ADGRG6: variants seen among roughly 807,000 people sequenced by gnomAD.
ADGRG6 encodes the protein adhesion G protein-coupled receptor G6, also known as G-protein coupled receptor 126.
A neutral mutation model predicts 142.4 loss-of-function variants in ADGRG6; 84 were observed. The observed-to-expected ratio is 0.59, with a 90% CI of 0.49 to 0.71. The LOEUF (loss-of-function observed/expected upper bound fraction) is 0.71, where lower values mean the gene tolerates loss of function less well. Ranked by LOEUF, ADGRG6 falls within the 30% of genes least tolerant of loss-of-function variation. ADGRG6 has a pLI of 0.00. For synonymous variants in ADGRG6, 521 were observed against 520.5 expected, an observed-to-expected ratio of 1.00 and a Z score of -0.01; for missense variants, 1,367 against 1,466.6, an observed-to-expected ratio of 0.93 and a Z score of 1.11.
intron 24 of ADGRG6, chr6:142,440,980 C>T: frequency 7.4e-7 from 1 of 1,354,216 alleles, no homozygotes; most frequent in Non-Finnish European, 1.0e-6. Flanking sequence ...TTTTTGAATG[C>T]ATGAATTTTT....
chr6:142,431,878 G>A (rs753280551), intron 22 of ADGRG6, among the ~76,000 whole-genome samples: 3 of 151,978 alleles, frequency 2.0e-5, no homozygotes, highest in African/African-American at 2.4e-5. Context: ...AGCCAAGATC[G>A]CACCATTGCA....
Position 142,416,029 on chromosome 6 carries a change from G to C in ADGRG6, c.2903G>C (p.Arg968Pro). 6.2e-7 allele frequency: 1 copy of C among 1,612,630 alleles called. No homozygotes were observed. The highest frequency in any genetic ancestry group is 8.5e-7 in the Non-Finnish European group (1 of 1,179,058). ...GTTAAAGTATTTAACACTTACATTC[G>C]CCGATACATTCTAAAATTCTGCATC... ...ALVKVFNTYI[R>P]RYILKFCIIG... The change falls in exon 20 of 25, where the codon CGC (arginine) becomes CCC (proline). Residue 968 changes from arginine to proline, a missense_variant. By Grantham distance (103) the Arg-to-Pro change is moderately radical (BLOSUM62 -2). Transcript: ENST00000367609.
chr6:142,401,753 A>G (rs926133910), intron 11 of ADGRG6, among the ~76,000 whole-genome samples: 20 of 152,074 alleles, frequency 1.3e-4, no homozygotes, highest in Non-Finnish European at 1.2e-4. Flanking sequence ...AGAATTTGGG[A>G]ACATTGTATA....
At chr6:142,401,438 T>C (rs1439353943) in intron 11 of ADGRG6, among the ~76,000 whole-genome samples, 3 of 152,210 alleles carry the variant, frequency 2.0e-5, no homozygotes, top group East Asian at 1.9e-4. Flanking sequence ...ACTTGGCCAA[T>C]GTATCCTAGG....
chr6:142,370,030 T>C (rs1203033940), intron 3 of ADGRG6, 140 bp from the exon 4 acceptor site: 3 of 581,580 alleles, frequency 5.2e-6, no homozygotes, highest in Admixed American at 3.1e-5. Context: ...AGAGGATAGA[T>C]GAGTAAGAGG....
intron 2 of ADGRG6, among the ~76,000 whole-genome samples, chr6:142,342,501 G>C (rs1779704542): frequency 6.6e-6 from 1 of 152,006 alleles, no homozygotes; most frequent in South Asian, 2.1e-4. Flanking sequence ...TAAAGATTAT[G>C]AAAACCCTAA....
chr6:142,437,654 G>A (rs999545908), intron 23 of ADGRG6, 119 bp downstream of exon 23: 27 of 647,050 alleles, frequency 4.2e-5, no homozygotes, highest in African/African-American at 3.8e-4. Flanking sequence ...TGGAGCATGT[G>A]AAGATGCGTA....
At chr6:142,383,876 T>A (rs1296189788) in intron 6 of ADGRG6, 33 bp downstream of exon 6, 1 of 1,055,296 alleles carries the variant, frequency 9.5e-7, no homozygotes, top group Non-Finnish European at 1.5e-6. Context: ...ATTTTTAGTA[T>A]GTCTAACATA....
intron 1 of ADGRG6, 97 bp downstream of exon 1, chr6:142,302,428 A>G: frequency 7.6e-7 from 1 of 1,319,886 alleles, no homozygotes; most frequent in Non-Finnish European, 1.1e-6. Flanking sequence ...AAGAGAAATG[A>G]TTTTATAAGG....
intron 2 of ADGRG6, among the ~76,000 whole-genome samples, chr6:142,311,479 A>T (rs1334358732): frequency 6.6e-6 from 1 of 151,974 alleles, no homozygotes; most frequent in African/African-American, 2.4e-5. Context: ...TTTGCCTTAT[A>T]AGATGACTCA....
At chr6:142,426,559 G>A (rs1290349149) in intron 22 of ADGRG6, among the ~76,000 whole-genome samples, 3 of 152,166 alleles carry the variant, frequency 2.0e-5, no homozygotes, top group Admixed American at 6.5e-5. Context: ...GGCACACAGT[G>A]CAAGCTGTTG....
At chr6:142,413,339 G>A (rs895183242) in intron 18 of ADGRG6, among the ~76,000 whole-genome samples, 1 of 152,006 alleles carries the variant, frequency 6.6e-6, no homozygotes, top group Non-Finnish European at 1.5e-5. Context: ...ATATCTTCTG[G>A]TCTACAAATA....
intron 22 of ADGRG6, among the ~76,000 whole-genome samples, chr6:142,428,733 G>A (rs1023441880): frequency 2.0e-5 from 3 of 152,084 alleles, no homozygotes; most frequent in Admixed American, 6.6e-5. Context: ...AACAGCATGG[G>A]GGAACCATCC....
Position 142,408,193 on chromosome 6 carries a change from C to T in ADGRG6, c.2312C>T (p.Ala771Val), listed in dbSNP as rs1246600532. The T allele has an allele frequency of 3.8e-6, 6 of 1,585,236 alleles. No homozygotes were observed. Among genetic ancestry groups the T allele is most frequent in the East Asian group, 2.3e-5 (1 of 44,170 alleles). The change falls in exon 16 of 25, where the codon GCG becomes GTG. Residue 771 changes from alanine to valine, a missense_variant. Ala to Val is a moderately conservative substitution (Grantham distance 64, BLOSUM62 0). Around this residue, in one of 3 missense-constraint regions of ADGRG6, gnomAD observed 286 missense variants for 371.4 expected, o/e 0.77. Coordinates refer to ENST00000367609, the MANE Select transcript of ADGRG6 (RefSeq NM_198569.3). Reference protein sequence around the residue: ...QRKTLVSYVMACSIGNITIQN... With the variant: ...QRKTLVSYVMVCSIGNITIQN... ...AAAACTTTAGTGAGTTATGTGATGG[C>T]GTGCAGTATTGGAAACATTACTATC...
At chr6:142,441,000 A>G (rs1777733562) in intron 24 of ADGRG6, 5 of 931,382 alleles carry the variant, frequency 5.4e-6, no homozygotes, top group South Asian at 1.7e-5. Context: ...TTGCAAGGTA[A>G]TAAGAGAATA....
intron 6 of ADGRG6, among the ~76,000 whole-genome samples, chr6:142,386,731 A>G (rs1782046990): frequency 6.6e-6 from 1 of 152,096 alleles, no homozygotes; most frequent in Admixed American, 6.6e-5. Flanking sequence ...TGACTTTCCA[A>G]CCTGCTTATT....
In ADGRG6 at chr6:142,310,121, T is replaced by C. The variant is rs543319612; in HGVS notation, c.103+477T>C. Among the ~76,000 whole-genome samples the C allele has an allele frequency of 1.3e-3, 205 of 152,028 alleles. 3 individuals carry two copies. The highest frequency in any genetic ancestry group is 1.2e-3 in the Non-Finnish European group (82 of 67,816). On this transcript the variant is annotated intron_variant, in intron 2 of 24. Transcript: ENST00000367609. ...AAAATTCAGTTTTTAGACTATGCAG[T>C]TTAATTTACTTGATATGAAAGTTAA... is the stretch of plus-strand genomic sequence containing the variant.
intron 2 of ADGRG6, among the ~76,000 whole-genome samples, chr6:142,354,385 A>C (rs1780343015): frequency 6.6e-6 from 1 of 151,952 alleles, no homozygotes; most frequent in African/African-American, 2.4e-5. Flanking sequence ...TCTATCTCAA[A>C]AACAAACAAA....
chr6:142,337,078 T>C lies in ADGRG6; in HGVS notation c.103+27434T>C, dbSNP rs568559479. Among the ~76,000 whole-genome samples the C allele has an allele frequency of 2.2e-4, 34 of 152,332 alleles. 1 individual carries two copies. In the South Asian group the frequency reaches 5.0e-3, roughly 22 times the overall value. ...CTAGGTGCTTCAACAGGGGCAGTTTTTTCTCTTTTGGAATAAATTTCACAG... is the reference window on the plus strand; with the variant it reads ...CTAGGTGCTTCAACAGGGGCAGTTTCTTCTCTTTTGGAATAAATTTCACAG... On this transcript the variant is annotated intron_variant, in intron 2 of 24. Coordinates refer to ENST00000367609, the MANE Select transcript of ADGRG6 (RefSeq NM_198569.3).
Sources: allele counts gnomAD v4.1 joint callset (sites outside exome capture counted in the v4.1 genomes callset), GRCh38; gene constraint gnomAD v4.1.1; regional missense constraint gnomAD v4.1.1; transcripts MANE v1.5; gene names NCBI Gene and HGNC (gene_info 2026-07-23, HGNC 2026-07-21).